Variants in BNIP1 observed in about 807,000 individuals in gnomAD.
The protein encoded by BNIP1 is vesicle transport protein SEC20.
In BNIP1, 25 loss-of-function variants were observed where a neutral mutation model predicts 28.5. The ratio of observed to expected loss-of-function variants is 0.88; its 90% CI spans 0.64 to 1.23. BNIP1 has a LOEUF of 1.23. BNIP1 is among the 50% of genes most tolerant of loss of function. The probability of loss-of-function intolerance (pLI) is 0.00; values close to 1 mark genes in which losing one functional copy is unlikely to be tolerated. For synonymous variants in BNIP1, 118 were observed against 101.7 expected (o/e 1.16, Z -0.96); for missense variants, 276 against 277.0 (o/e 1.00, Z 0.02).
chr5:173,144,713 A>G, intron 1 of BNIP1, 84 bp downstream of exon 1: 1 of 1,430,276 alleles, frequency 7.0e-7, no homozygotes, highest in East Asian at 2.4e-5. Context: ...GTCACTCCCG[A>G]ACTTTCCCCA....
intron 2 of BNIP1, among the ~76,000 whole-genome samples, chr5:173,153,124 C>T (rs1036432043): frequency 6.6e-6 from 1 of 151,856 alleles, no homozygotes; most frequent in Admixed American, 6.6e-5. Flanking sequence ...CTCATCTTAG[C>T]AGACCTTATC....
intron 5 of BNIP1, among the ~76,000 whole-genome samples, chr5:173,160,531 G>A (rs1252471020): frequency 6.6e-6 from 1 of 152,134 alleles, no homozygotes; most frequent in Non-Finnish European, 1.5e-5. Context: ...GCCACGCCCG[G>A]CCCGTATTTC....
chr5:173,153,198 G>T (rs1395460157), intron 2 of BNIP1, among the ~76,000 whole-genome samples: 1 of 151,608 alleles, frequency 6.6e-6, no homozygotes, highest in Non-Finnish European at 1.5e-5. Context: ...TTAGCTTCCC[G>T]CCAGGTCTCC....
At chr5:173,154,486 T>C in intron 3 of BNIP1, 73 bp downstream of exon 3, 5 of 1,223,696 alleles carry the variant, frequency 4.1e-6, no homozygotes, top group South Asian at 2.7e-5. Context: ...CACGTGTGTT[T>C]GCCTGATGGA....
At chr5:173,150,134 T>C (rs1299821233) in intron 2 of BNIP1, among the ~76,000 whole-genome samples, 1 of 152,094 alleles carries the variant, frequency 6.6e-6, no homozygotes, top group African/African-American at 2.4e-5. Context: ...GACCCGTGCC[T>C]GTAATCCCAG....
chr5:173,147,178 G>A (rs983346438), intron 2 of BNIP1, among the ~76,000 whole-genome samples: 3 of 152,128 alleles, frequency 2.0e-5, no homozygotes, highest in Non-Finnish European at 2.9e-5. Flanking sequence ...AGGCCGAGGC[G>A]GGGAGATCAC....
At chr5:173,160,723 G>A (rs976764891) in intron 5 of BNIP1, 1 of 441,116 alleles carries the variant, frequency 2.3e-6, no homozygotes, top group Non-Finnish European at 4.6e-6. Flanking sequence ...AGGCAAGTTT[G>A]GGAATGGTTG....
rs551185142 is a variant in BNIP1, at chr5:173,149,905, T to A, written c.177+2947T>A. On this transcript the variant is annotated intron_variant, in intron 2 of 5. Transcript: ENST00000351486. ...AGGCCCCACCTCCAACACTGGGGAT[T>A]ACCATTCAACATGAGATTTGGGCAG... 1.0e-3 allele frequency among the ~76,000 whole-genome samples: 158 copies of A among 152,302 alleles called. 2 individuals carry two copies. In the South Asian group the frequency reaches 0.015, roughly 14 times the overall value.
intron 1 of BNIP1, among the ~76,000 whole-genome samples, chr5:173,145,665 A>C (rs913717656): frequency 2.3e-4 from 35 of 152,102 alleles, no homozygotes; most frequent in African/African-American, 8.2e-4. Context: ...GGCCTCCCAA[A>C]TTGCTGGGAT....
intron 2 of BNIP1, among the ~76,000 whole-genome samples, chr5:173,153,167 G>A (rs1760069747): frequency 6.6e-6 from 1 of 151,774 alleles, no homozygotes; most frequent in African/African-American, 2.4e-5. Context: ...TCGAGGCCAA[G>A]TCTCTACAGA....
intron 2 of BNIP1, among the ~76,000 whole-genome samples, 186 bp from the exon 3 acceptor site, chr5:173,154,136 C>T (rs1018591396): frequency 6.6e-6 from 1 of 152,190 alleles, no homozygotes; most frequent in Non-Finnish European, 1.5e-5. Context: ...GTTTTCCTTA[C>T]TTCCTTGTGG....
chr5:173,155,388 C>T (rs1441340017), intron 3 of BNIP1, among the ~76,000 whole-genome samples: 1 of 152,120 alleles, frequency 6.6e-6, no homozygotes, highest in African/African-American at 2.4e-5. Flanking sequence ...GTATTCAGAT[C>T]ATTCTCTCTC....
chr5:173,144,539 C>A lies in BNIP1; in HGVS notation c.-7C>A. On this transcript the variant is annotated 5_prime_UTR_variant, in exon 1 of 6. Coordinates refer to ENST00000351486, the MANE Select transcript of BNIP1 (RefSeq NM_001205.3). ...TCCTGCCGCTGCCCGTAGCCGGCGT[C>A]CCCAACATGGCGGCTCCCCAAGACG... 1 of 1,614,050 alleles carries A rather than the reference C, an allele frequency of 6.2e-7. No individual in the cohort carries two copies. Among genetic ancestry groups the A allele is most frequent in the East Asian group, 2.2e-5 (1 of 44,882 alleles).
At chr5:173,147,596 T>TA (rs1561593021) in intron 2 of BNIP1, among the ~76,000 whole-genome samples, 3 of 151,722 alleles carry the variant, frequency 2.0e-5, no homozygotes, top group Non-Finnish European at 4.4e-5. Context: ...GGTTTTTTTT[T>TA]ATGCTGTTAC....
At chr5:173,155,908 A>G (rs1010967114) in intron 3 of BNIP1, among the ~76,000 whole-genome samples, 1 of 151,926 alleles carries the variant, frequency 6.6e-6, no homozygotes, top group Non-Finnish European at 1.5e-5. Flanking sequence ...AACCCCTGCT[A>G]AGTTGTCATT....
At chr5:173,150,860 C>T (rs540725542) in intron 2 of BNIP1, among the ~76,000 whole-genome samples, 11 of 151,018 alleles carry the variant, frequency 7.3e-5, no homozygotes, top group Middle Eastern at 3.4e-3. Context: ...TTTTTTAAGA[C>T]GGAGTCTGGC....
intron 2 of BNIP1, chr5:173,151,820 T>C: frequency 7.1e-7 from 1 of 1,406,650 alleles, no homozygotes; most frequent in Non-Finnish European, 9.5e-7. Flanking sequence ...AGGAAGGACC[T>C]AATAAGCACA....
At chr5:173,155,701 A>T (rs1296846900) in intron 3 of BNIP1, among the ~76,000 whole-genome samples, 1 of 152,126 alleles carries the variant, frequency 6.6e-6, no homozygotes, top group Non-Finnish European at 1.5e-5. Flanking sequence ...TTAAAAACAA[A>T]AAAAAAATAT....
chr5:173,151,512 C>T, intron 2 of BNIP1: 1 of 1,556,432 alleles, frequency 6.4e-7, no homozygotes, highest in Non-Finnish European at 8.7e-7. Context: ...GGAGCCACCA[C>T]ACCTGGTCTC....
Sources: allele counts gnomAD v4.1 joint callset (sites outside exome capture counted in the v4.1 genomes callset), GRCh38; gene constraint gnomAD v4.1.1; transcripts MANE v1.5; gene names NCBI Gene and HGNC (gene_info 2026-07-23, HGNC 2026-07-21).